The following ERF variants were observed in gnomAD, a reference collection of about 807,000 sequenced individuals.
ERF encodes ETS2 repressor factor, also known as ETS domain-containing transcription factor ERF.
In ERF, 10 loss-of-function variants were observed where a neutral mutation model predicts 41.6. The observed-to-expected ratio is 0.24, with a 90% CI of 0.15 to 0.41. ERF has a LOEUF of 0.41. Among genes scored for constraint, ERF ranks in the 10% least tolerant of loss-of-function variants. The pLI is 1.00. For missense variants in ERF, 621 were observed against 763.2 expected (o/e 0.81, Z 2.19); for synonymous variants, 395 against 342.4 (o/e 1.15, Z -1.70).
chr19:42,253,420 C>T (rs912521911), intron 1 of ERF, among the ~76,000 whole-genome samples: 5 of 152,126 alleles, frequency 3.3e-5, no homozygotes, highest in Non-Finnish European at 5.9e-5. Flanking sequence ...CCCTCCCCTC[C>T]CCCAGCCGGA....
rs2036355302 is a variant in ERF, at chr19:42,247,923, T to A, written c.*542A>T. The A allele has an allele frequency of 6.6e-6, 1 of 152,288 alleles. No individual in the cohort carries two copies. Among genetic ancestry groups the A allele is most frequent in the Non-Finnish European group, 1.5e-5 (1 of 68,014 alleles). The allele number at this position is 152,288 out of a possible 1,614,324, so 9.4% of individuals were successfully genotyped here. On this transcript the variant is annotated 3_prime_UTR_variant, in exon 4 of 4. Transcript: ENST00000222329. The stretch of plus-strand genomic sequence containing the variant: ...CCCCCCAACACATGGAATTTTTGGT[T>A]CATTATAAAATTGTCCCTCCCTCCC...
chr19:42,249,149 G>A lies in ERF; in HGVS notation c.963C>T (p.Val321=), dbSNP rs1568471243. Residue 321 remains valine, a synonymous_variant, in exon 4 of 4, where the codon GTC becomes GTT. Coordinates refer to ENST00000222329, the MANE Select transcript of ERF (RefSeq NM_006494.4). This position sits in a 1 kb window ranked among gnomAD's most constrained non-coding sequence, Gnocchi z 8.6. The stretch of plus-strand genomic sequence containing the variant: ...CGCGGGGGCTGAGGTGGTAGTTGTA[G>A]ACGCTTTGGGTGTGGGCCTGCAGGT... The part of the protein sequence containing the change: ...KRYLQAHTQS[V]YNYHLSPRAF... 6 of 1,613,926 alleles carry A rather than the reference G, an allele frequency of 3.7e-6. No individual in the cohort carries two copies. Among genetic ancestry groups the A allele is most frequent in the Non-Finnish European group, 5.1e-6 (6 of 1,179,906 alleles).
rs1568472898 is a variant in ERF at position 42,250,507 on chromosome 19, G to C, written c.81C>G (p.Ile27Met). The stretch of plus-strand genomic sequence containing the variant: ...GCTCCAGGATAAAGTGCCACAGCTG[G>C]ATCTGCCTTGAGCCAGGGGACGACT... ...KPESSPGSRQ[I>M]QLWHFILELL... The change falls in exon 2 of 4, where the codon ATC becomes ATG. Residue 27 changes from isoleucine (I) to methionine (M), a missense_variant. Around this residue, in one of 3 missense-constraint regions of ERF, gnomAD observed 34 missense variants for 56.8 expected, o/e 0.60. Transcript: ENST00000222329. The surrounding 1 kb of genome is among the most constrained non-coding windows in gnomAD (Gnocchi z 5.1). 6.2e-7 allele frequency: 1 copy of C among 1,613,664 alleles called. No homozygotes were observed. Among genetic ancestry groups the C allele is most frequent in the African/African-American group, 1.3e-5 (1 of 75,040 alleles).
In ERF at chr19:42,248,970, G is replaced by A. The variant is rs1063897; in HGVS notation, c.1142C>T (p.Pro381Leu). Residue 381 changes from proline (P) to leucine (L), a missense_variant, in exon 4 of 4, where the codon CCG (proline) becomes CTG (leucine). Around this residue, in one of 3 missense-constraint regions of ERF, gnomAD observed 569 missense variants for 625.5 expected, o/e 0.91. Transcript: ENST00000222329. This position sits in a 1 kb window ranked among gnomAD's most constrained non-coding sequence, Gnocchi z 4.2. ...SSSPFKFKLQPPPLGRRQRAA... is the reference protein window; with the variant it reads ...SSSPFKFKLQLPPLGRRQRAA... Reference sequence around the variant, plus strand: ...CCGCTGCCGGCGTCCGAGTGGGGGCGGCTGGAGCTTAAACTTGAATGGGGA... The same window carrying A: ...CCGCTGCCGGCGTCCGAGTGGGGGCAGCTGGAGCTTAAACTTGAATGGGGA... The A allele has an allele frequency of 1.9e-6, 3 of 1,606,934 alleles. No individual in the cohort carries two copies. The highest frequency in any genetic ancestry group is 1.1e-5 in the South Asian group (1 of 91,056).
At chr19:42,254,879 C>T in intron 1 of ERF, 99 bp downstream of exon 1, 1 of 1,338,544 alleles carries the variant, frequency 7.5e-7, no homozygotes, top group Non-Finnish European at 1.0e-6. Context: ...AACTGGGGAT[C>T]ACTCGGGCTC....
Position 42,249,003 on chromosome 19 carries a change from GA to G in ERF, c.1108del (p.Ser370LeufsTer27), listed in dbSNP as rs1568470961. 2 of 1,609,748 alleles carry G rather than the reference GA, an allele frequency of 1.2e-6. No individual in the cohort carries two copies. The highest frequency in any genetic ancestry group is 2.2e-5 in the East Asian group (1 of 44,854). On this transcript the variant is annotated frameshift_variant, in exon 4 of 4. Coordinates refer to ENST00000222329, the MANE Select transcript of ERF (RefSeq NM_006494.4). LOFTEE classifies it high-confidence loss of function. The surrounding 1 kb of genome is among the most constrained non-coding windows in gnomAD (Gnocchi z 8.6). Reference sequence around the variant, plus strand: ...CTTAAACTTGAATGGGGAGGAAGAAGAAGAAGAGGATGACGAGGCCGAGGAG... The same window carrying G: ...CTTAAACTTGAATGGGGAGGAAGAAGAGAAGAGGATGACGAGGCCGAGGAG... ...VPSSASSSSS[S>X]SSSPFKFKLQ...
rs369984329 is a variant in ERF at position 42,249,576 on chromosome 19, C to T, written c.536G>A (p.Arg179His). The T allele has an allele frequency of 9.9e-6, 16 of 1,613,356 alleles. No homozygotes were observed. The highest frequency in any genetic ancestry group is 8.0e-5 in the African/African-American group (6 of 74,894). The part of the protein sequence containing the change: ...SSSLFSAVVA[R>H]RLGRGSVSDC... ...ACTGACTGAGCCTCGGCCCAGGCGG[C>T]GGGCCACCACAGCCGAGAAGAGGGA... Residue 179 changes from arginine (R) to histidine (H), a missense_variant, in exon 4 of 4, where the codon CGC (arginine) becomes CAC (histidine). This residue lies in a region of ERF where 569 missense variants were observed against 625.5 expected (regional missense o/e 0.91). Transcript: ENST00000222329. This position sits in a 1 kb window ranked among gnomAD's most constrained non-coding sequence, Gnocchi z 8.6.
Position 42,248,062 on chromosome 19 carries a change from A to G in ERF, c.*403T>C, listed in dbSNP as rs968037332. ...GGGAGTGGGGCAGAGCGGGTGGGTCAGAGGGGTACAAGAGGCAGAGAACAG... is the reference window on the plus strand; with the variant it reads ...GGGAGTGGGGCAGAGCGGGTGGGTCGGAGGGGTACAAGAGGCAGAGAACAG... On this transcript the variant is annotated 3_prime_UTR_variant, in exon 4 of 4. Coordinates refer to ENST00000222329, the MANE Select transcript of ERF (RefSeq NM_006494.4). The surrounding 1 kb of genome is among the most constrained non-coding windows in gnomAD (Gnocchi z 4.2). 4.9e-5 allele frequency: 8 copies of G among 162,332 alleles called. No individual in the cohort carries two copies. Among genetic ancestry groups the G allele is most frequent in the African/African-American group, 9.5e-5 (4 of 41,976 alleles). 10.1% of individuals were successfully genotyped at this position (162,332 alleles called of 1,614,324 possible).
intron 1 of ERF, among the ~76,000 whole-genome samples, chr19:42,254,068 A>T (rs2036493256): frequency 6.7e-6 from 1 of 148,552 alleles, no homozygotes; most frequent in South Asian, 2.2e-4. Flanking sequence ...GGAGGGGGAA[A>T]AGTCCGAGTG....
rs1320701373 is a variant in ERF at position 42,249,442 on chromosome 19, G to T, written c.670C>A (p.Arg224Ser). Residue 224 changes from arginine (R) to serine (S), a missense_variant, in exon 4 of 4, where the codon CGC becomes AGC. This residue lies in a region of ERF where 569 missense variants were observed against 625.5 expected (regional missense o/e 0.91). Coordinates refer to ENST00000222329, the MANE Select transcript of ERF (RefSeq NM_006494.4). This position sits in a 1 kb window ranked among gnomAD's most constrained non-coding sequence, Gnocchi z 8.6. Reference sequence around the variant, plus strand: ...AAGACACCAGGGTCATGGGGCAGGCGGGCCAGCGGGGGCCCTCGGAAGGCA... The same window carrying T: ...AAGACACCAGGGTCATGGGGCAGGCTGGCCAGCGGGGGCCCTCGGAAGGCA... ...LGAFRGPPLA[R>S]LPHDPGVFRV... 3 of 1,593,266 alleles carry T rather than the reference G, an allele frequency of 1.9e-6. No individual in the cohort carries two copies. The highest frequency in any genetic ancestry group is 1.3e-5 in the African/African-American group (1 of 74,754).
At position 42,250,583 on chromosome 19, in the gene ERF, G is replaced by C; in HGVS notation, c.23-18C>G. On this transcript the variant is annotated intron_variant, in intron 1 of 3. Transcript: ENST00000222329. The surrounding 1 kb of genome is among the most constrained non-coding windows in gnomAD (Gnocchi z 5.1). ...GGCAAACCCTGGGGACGGGAGGCAGGGAGTGGCCTGGGGTCAGGCTGCCAA... is the reference window on the plus strand; with the variant it reads ...GGCAAACCCTGGGGACGGGAGGCAGCGAGTGGCCTGGGGTCAGGCTGCCAA... 6.2e-7 allele frequency: 1 copy of C among 1,610,106 alleles called. No individual in the cohort carries two copies. The highest frequency in any genetic ancestry group is 8.5e-7 in the Non-Finnish European group (1 of 1,178,520).
In ERF at chr19:42,249,701, C is replaced by T. The variant is rs776070395; in HGVS notation, c.411G>A (p.Ser137=). ...AVPQSAPPVP[S]GGSHFRFPPS... is the part of the protein sequence containing the mutation. ...GAGGGAAGCGGAAGTGGCTACCACC[C>T]GACGGCACTGGCGGGGCACTCTGGG... The change falls in exon 4 of 4, where the codon TCG becomes TCA. Residue 137 remains serine, a synonymous_variant. Coordinates refer to ENST00000222329, the MANE Select transcript of ERF (RefSeq NM_006494.4). This position sits in a 1 kb window ranked among gnomAD's most constrained non-coding sequence, Gnocchi z 8.6. 5.0e-6 allele frequency: 8 copies of T among 1,599,500 alleles called. No homozygotes were observed. Among genetic ancestry groups the T allele is most frequent in the Middle Eastern group, 1.7e-4 (1 of 6,000 alleles).
chr19:42,249,139 G>T lies in ERF; in HGVS notation c.973C>A (p.His325Asn). ...QAHTQSVYNYHLSPRAFLHYP... is the reference protein window; with the variant it reads ...QAHTQSVYNYNLSPRAFLHYP... ...TGCAGGAAGGCGCGGGGGCTGAGGT[G>T]GTAGTTGTAGACGCTTTGGGTGTGG... Residue 325 changes from histidine (H) to asparagine (N), a missense_variant, in exon 4 of 4, where the codon CAC (histidine) becomes AAC (asparagine). By Grantham distance (68) the His-to-Asn change is moderately conservative. Around this residue, in one of 3 missense-constraint regions of ERF, gnomAD observed 569 missense variants for 625.5 expected, o/e 0.91. Transcript: ENST00000222329. The surrounding 1 kb of genome is among the most constrained non-coding windows in gnomAD (Gnocchi z 8.6). 1.2e-6 allele frequency: 2 copies of T among 1,613,900 alleles called. No homozygotes were observed. Among genetic ancestry groups the T allele is most frequent in the Non-Finnish European group, 1.7e-6 (2 of 1,179,890 alleles).
intron 1 of ERF, among the ~76,000 whole-genome samples, chr19:42,251,900 C>G (rs1489660644): frequency 1.3e-5 from 2 of 152,122 alleles, no homozygotes; most frequent in Non-Finnish European, 2.9e-5. Flanking sequence ...CACATAGCCC[C>G]CGGAGTCCCT....
chr19:42,249,707 C>T lies in ERF; in HGVS notation c.405G>A (p.Val135=), dbSNP rs144678577. ...GGAVPQSAPP[V]PSGGSHFRFP... is the part of the protein sequence containing the mutation. ...AGCGGAAGTGGCTACCACCCGACGGCACTGGCGGGGCACTCTGGGGCACTG... is the reference window on the plus strand; with the variant it reads ...AGCGGAAGTGGCTACCACCCGACGGTACTGGCGGGGCACTCTGGGGCACTG... The change falls in exon 4 of 4, where the codon GTG becomes GTA. Residue 135 remains valine, a synonymous_variant. Transcript: ENST00000222329. The surrounding 1 kb of genome is among the most constrained non-coding windows in gnomAD (Gnocchi z 8.6). 4.4e-4 allele frequency: 704 copies of T among 1,599,878 alleles called. 1 individual carries two copies. Among genetic ancestry groups the T allele is most frequent in the Non-Finnish European group, 5.3e-4 (624 of 1,171,246 alleles).
At position 42,250,039 on chromosome 19, in the gene ERF, C is replaced by A; in HGVS notation, c.258-97G>T. 8.3e-7 allele frequency: 1 copy of A among 1,210,194 alleles called. No individual in the cohort carries two copies. The highest frequency in any genetic ancestry group is 1.2e-6 in the Non-Finnish European group (1 of 817,010). 75.0% of individuals were successfully genotyped at this position (1,210,194 alleles called of 1,614,324 possible). On this transcript the variant is annotated intron_variant, in intron 2 of 3. Coordinates refer to ENST00000222329, the MANE Select transcript of ERF (RefSeq NM_006494.4). This position sits in a 1 kb window ranked among gnomAD's most constrained non-coding sequence, Gnocchi z 5.1. ...GCACTTAGGTGTGGTTCCCAAAGGC[C>A]AACTGAGGAACGTAGGCCACAAAAG... is the stretch of plus-strand genomic sequence containing the variant.
chr19:42,248,548 C>T lies in ERF; in HGVS notation c.1564G>A (p.Gly522Arg), dbSNP rs927651535. The T allele has an allele frequency of 6.4e-7, 1 of 1,553,220 alleles. No homozygotes were observed. The highest frequency in any genetic ancestry group is 8.7e-7 in the Non-Finnish European group (1 of 1,151,550). The change falls in exon 4 of 4, where the codon GGG becomes AGG. Residue 522 changes from glycine to arginine, a missense_variant. Gly to Arg is a moderately radical substitution (Grantham distance 125). This residue lies in a region of ERF where 569 missense variants were observed against 625.5 expected (regional missense o/e 0.91). Transcript: ENST00000222329. The surrounding 1 kb of genome is among the most constrained non-coding windows in gnomAD (Gnocchi z 4.2). ...KVRGEGPGEA[G>R]GPLTPRRVSS... ...ACCCGCCTTGGGGTGAGGGGCCCCCCAGCCTCCCCAGGCCCCTCCCCACGC... is the reference window on the plus strand; with the variant it reads ...ACCCGCCTTGGGGTGAGGGGCCCCCTAGCCTCCCCAGGCCCCTCCCCACGC...
Position 42,250,740 on chromosome 19 carries a change from G to A in ERF, c.23-175C>T, listed in dbSNP as rs958130400. On this transcript the variant is annotated intron_variant, in intron 1 of 3. Coordinates refer to ENST00000222329, the MANE Select transcript of ERF (RefSeq NM_006494.4). This position sits in a 1 kb window ranked among gnomAD's most constrained non-coding sequence, Gnocchi z 5.1. ...TGCGTGTCTGTCTGTCTGCATGTGAGGGGCTAGACAGGAGCTGGGGGGGAG... is the reference window on the plus strand; with the variant it reads ...TGCGTGTCTGTCTGTCTGCATGTGAAGGGCTAGACAGGAGCTGGGGGGGAG... Among the ~76,000 whole-genome samples, 1 of 152,246 alleles carries A rather than the reference G, an allele frequency of 6.6e-6. No homozygotes were observed. The highest frequency in any genetic ancestry group is 2.4e-5 in the African/African-American group (1 of 41,464).
At chr19:42,254,488 TCCCC>T in intron 1 of ERF, 1 of 153,122 alleles carries the variant, frequency 6.5e-6, no homozygotes, top group South Asian at 2.0e-4. Context: ...AGTCCCGGGC[TCCCC>T]ACTCACGCCC....
Sources: gnomAD v4.1 joint callset for allele counts (sites outside exome capture counted in the v4.1 genomes callset) on GRCh38, gnomAD v4.1.1 for gene constraint, gnomAD v4.1.1 regional missense constraint, Gnocchi (gnomAD v3.1) non-coding constraint, MANE v1.5 for transcripts, NCBI Gene and HGNC (gene_info 2026-07-23, HGNC 2026-07-21) for gene names.